Variants in ZSWIM5 observed in about 807,000 individuals in gnomAD.
ZSWIM5 encodes zinc finger SWIM-type containing 5.
In ZSWIM5, 55 loss-of-function variants were observed where a neutral mutation model predicts 119.6. The ratio of observed to expected loss-of-function variants is 0.46; its 90% CI spans 0.37 to 0.58. The LOEUF is 0.58. Ranked by LOEUF, ZSWIM5 falls within the 20% of genes least tolerant of loss-of-function variation. ZSWIM5 has a pLI of 0.00. For synonymous variants in ZSWIM5, 537 were observed against 606.9 expected (o/e 0.88, Z 1.69); for missense variants, 1,193 against 1,512.8 (o/e 0.79, Z 3.51).
At chr1:45,138,858 A>T (rs1144867) in intron 1 of ZSWIM5, among the ~76,000 whole-genome samples, 24,183 of 151,386 alleles carry the variant, frequency 0.16, 2,590 homozygotes, top group African/African-American at 0.3. Context: ...GAAATAATTC[A>T]TCAATAGTAG....
At chr1:45,191,109 G>T (rs1646089864) in intron 1 of ZSWIM5, among the ~76,000 whole-genome samples, 1 of 151,822 alleles carries the variant, frequency 6.6e-6, no homozygotes, top group Non-Finnish European at 1.5e-5. Flanking sequence ...ACCGCGCCCG[G>T]CTAATTTTTT....
chr1:45,134,397 G>A lies in ZSWIM5; in HGVS notation c.596-46160C>T, dbSNP rs542714734. Reference sequence around the variant, plus strand: ...CCATACTCCAAATGTATTCTAAAATGTTTGCTAAAGAGAAAGGAAAAAGAT... The same window carrying A: ...CCATACTCCAAATGTATTCTAAAATATTTGCTAAAGAGAAAGGAAAAAGAT... On this transcript the variant is annotated intron_variant, in intron 1 of 13. Transcript: ENST00000359600. Among the ~76,000 whole-genome samples, 4 of 152,234 alleles carry A rather than the reference G, an allele frequency of 2.6e-5. No individual in the cohort carries two copies. The South Asian group carries it at 8.3e-4, about 32-fold the overall frequency.
chr1:45,169,817 C>T (rs1038415364), intron 1 of ZSWIM5, among the ~76,000 whole-genome samples: 1 of 151,984 alleles, frequency 6.6e-6, no homozygotes, highest in African/African-American at 2.4e-5. Context: ...TGAATACTTT[C>T]GTTAGCATTT....
chr1:45,159,728 A>G (rs1160073134), intron 1 of ZSWIM5, among the ~76,000 whole-genome samples: 2 of 152,070 alleles, frequency 1.3e-5, no homozygotes, highest in East Asian at 3.9e-4. Context: ...AGCTGGGATT[A>G]CAGGTGCCCA....
Position 45,039,306 on chromosome 1 carries a change from C to T in ZSWIM5, c.1757-233G>A, listed in dbSNP as rs748697198. Among the ~76,000 whole-genome samples, 60 of 152,174 alleles carry T rather than the reference C, an allele frequency of 3.9e-4. 1 individual carries two copies. Among genetic ancestry groups the T allele is most frequent in the Non-Finnish European group, 2.1e-4 (14 of 68,034 alleles). ...TAGTGCATACGTGGATAGAGCTTTA[C>T]AGGTTTTTGTTTTAAGAGATACCTG... On this transcript the variant is annotated intron_variant, in intron 7 of 13. Transcript: ENST00000359600.
chr1:45,147,282 A>G (rs1645767558), intron 1 of ZSWIM5, among the ~76,000 whole-genome samples: 1 of 152,064 alleles, frequency 6.6e-6, no homozygotes, highest in Non-Finnish European at 1.5e-5. Context: ...ATACCTAAAA[A>G]TCTAAATTCT....
intron 11 of ZSWIM5, among the ~76,000 whole-genome samples, chr1:45,029,821 T>C (rs1644941450): frequency 1.3e-5 from 2 of 152,226 alleles, no homozygotes; most frequent in Non-Finnish European, 2.9e-5. Context: ...TATACCACAT[T>C]TTGTTTATCC....
intron 1 of ZSWIM5, among the ~76,000 whole-genome samples, chr1:45,098,247 A>G (rs1645416582): frequency 6.6e-6 from 1 of 152,200 alleles, no homozygotes. Flanking sequence ...GTCAGGCAGG[A>G]GCCACTGCTC....
intron 1 of ZSWIM5, among the ~76,000 whole-genome samples, chr1:45,134,477 G>T (rs988996037): frequency 2.0e-5 from 3 of 152,164 alleles, no homozygotes; most frequent in African/African-American, 7.2e-5. Flanking sequence ...GTCTTGAAGA[G>T]AAAAGTTAAT....
At chr1:45,104,957 A>G (rs915194043) in intron 1 of ZSWIM5, among the ~76,000 whole-genome samples, 3 of 152,220 alleles carry the variant, frequency 2.0e-5, no homozygotes, top group Non-Finnish European at 4.4e-5. Flanking sequence ...CTAGTTTTCT[A>G]GTGTTCTTTC....
At chr1:45,054,308 C>T (rs1015349887) in intron 4 of ZSWIM5, among the ~76,000 whole-genome samples, 3 of 151,962 alleles carry the variant, frequency 2.0e-5, no homozygotes, top group Non-Finnish European at 2.9e-5. Flanking sequence ...TTGGCCTGGG[C>T]GTGGTGGCTC....
Position 45,051,127 on chromosome 1 carries a change from T to G in ZSWIM5, c.1379A>C (p.His460Pro). The change falls in exon 5 of 14, where the codon CAT (histidine) becomes CCT (proline). Residue 460 changes from histidine (H) to proline (P), a missense_variant. His to Pro is a moderately conservative substitution (Grantham distance 77). Coordinates refer to ENST00000359600, the MANE Select transcript of ZSWIM5 (RefSeq NM_020883.2). ...VCPLEDGNYG[H>P]ELPNITNALP... is the part of the protein sequence containing the mutation. ...TGCATTGGTGATGTTGGGCAGCTCA[T>G]GTCCATAGTTTCCATCCTCCAGGGG... 1.2e-6 allele frequency: 2 copies of G among 1,614,200 alleles called. No homozygotes were observed. Among genetic ancestry groups the G allele is most frequent in the South Asian group, 2.2e-5 (2 of 91,078 alleles).
chr1:45,196,034 GTT>G (rs34236930), intron 1 of ZSWIM5, among the ~76,000 whole-genome samples: 6 of 103,936 alleles, frequency 5.8e-5, no homozygotes, highest in East Asian at 2.9e-4. Flanking sequence ...CACCCAGCTA[GTT>G]TTTTTTTTTT....
chr1:45,082,125 G>A (rs1163529575), intron 2 of ZSWIM5, among the ~76,000 whole-genome samples: 2 of 150,010 alleles, frequency 1.3e-5, no homozygotes, highest in East Asian at 1.9e-4. Flanking sequence ...GATGCTTGAA[G>A]GCAGCATGCT....
intron 2 of ZSWIM5, among the ~76,000 whole-genome samples, chr1:45,071,375 T>C (rs192950142): frequency 6.6e-6 from 1 of 152,274 alleles, no homozygotes; most frequent in Non-Finnish European, 1.5e-5. Flanking sequence ...GTGATGATGT[T>C]TGTCTTTCTG....
chr1:45,033,630 A>G (rs2148990768), intron 11 of ZSWIM5, among the ~76,000 whole-genome samples: 1 of 152,248 alleles, frequency 6.6e-6, no homozygotes, highest in South Asian at 2.1e-4. Flanking sequence ...TTATATCTGT[A>G]AGGAGTTCAG....
chr1:45,128,746 C>T (rs1350208067), intron 1 of ZSWIM5, among the ~76,000 whole-genome samples: 1 of 152,224 alleles, frequency 6.6e-6, no homozygotes, highest in East Asian at 1.9e-4. Context: ...AATAGTTTCA[C>T]TGCCTCAAAT....
At chr1:45,114,371 A>T (rs1028139186) in intron 1 of ZSWIM5, among the ~76,000 whole-genome samples, 3 of 152,194 alleles carry the variant, frequency 2.0e-5, no homozygotes, top group Admixed American at 6.5e-5. Flanking sequence ...AAGACAAGGA[A>T]TGTATACCAG....
rs767673983 is a variant in ZSWIM5, at chr1:45,196,384, C to CTTTTTT, written c.595+9366_595+9371dup. Among the ~76,000 whole-genome samples the CTTTTTT allele has an allele frequency of 2.6e-3, 202 of 76,382 alleles. 10 individuals carry two copies. The highest frequency in any genetic ancestry group is 4.0e-3 in the Non-Finnish European group (161 of 40,210). 50.1% of individuals were successfully genotyped at this position (76,382 alleles called of 152,430 possible). ...AAACCAAGATTGAAGCCCACAATTCCTTTTTTTTTTTTTTTTTTTTTTTGA... is the reference window on the plus strand; with the variant it reads ...AAACCAAGATTGAAGCCCACAATTCCTTTTTTTTTTTTTTTTTTTTTTTTTTTTTGA... On this transcript the variant is annotated intron_variant, in intron 1 of 13. Coordinates refer to ENST00000359600, the MANE Select transcript of ZSWIM5 (RefSeq NM_020883.2).
Sources: allele counts gnomAD v4.1 joint callset (sites outside exome capture counted in the v4.1 genomes callset), GRCh38; gene constraint gnomAD v4.1.1; transcripts MANE v1.5; gene names NCBI Gene and HGNC (gene_info 2026-07-23, HGNC 2026-07-21).